The following NEGR1 variants were observed in gnomAD, a reference collection of about 807,000 sequenced individuals.
The protein encoded by NEGR1 is IgLON family member 4.
Under a neutral mutation model 40.9 loss-of-function variants are expected in NEGR1, and 10 were observed. That is an observed-to-expected ratio of 0.24 (90% CI 0.15 to 0.42). NEGR1 has a LOEUF of 0.42. NEGR1 is among the 10% of genes least tolerant of loss of function. The pLI is 1.00. For synonymous variants in NEGR1, 185 were observed against 166.8 expected (o/e 1.11, Z -0.84); for missense variants, 352 against 438.9 (o/e 0.80, Z 1.77).
At chr1:71,968,142 A>G (rs568261258) in intron 1 of NEGR1, among the ~76,000 whole-genome samples, 1 of 152,236 alleles carries the variant, frequency 6.6e-6, no homozygotes, top group East Asian at 1.9e-4. Context: ...GACTTTATCA[A>G]TTTTTCCCTT....
chr1:71,883,976 CAGCCTTATT>C (rs1660654262), intron 2 of NEGR1, among the ~76,000 whole-genome samples: 1 of 147,740 alleles, frequency 6.8e-6, no homozygotes, highest in Non-Finnish European at 1.5e-5. Flanking sequence ...GAGTTAACTA[CAGCCTTATT>C]AACATTTTTT....
intron 3 of NEGR1, among the ~76,000 whole-genome samples, chr1:71,755,983 T>G (rs1404842503): frequency 6.6e-6 from 1 of 152,188 alleles, no homozygotes; most frequent in Non-Finnish European, 1.5e-5. Flanking sequence ...GCAAAACATG[T>G]TAAGTTTAGA....
intron 3 of NEGR1, among the ~76,000 whole-genome samples, chr1:71,751,905 G>A (rs749887876): frequency 1.8e-4 from 27 of 152,234 alleles, no homozygotes; most frequent in African/African-American, 4.3e-4. Flanking sequence ...AAAATTTATC[G>A]TCATATGAGA....
At chr1:71,555,670 C>G (rs1208825676) in intron 6 of NEGR1, among the ~76,000 whole-genome samples, 1 of 151,628 alleles carries the variant, frequency 6.6e-6, no homozygotes, top group African/African-American at 2.4e-5. Flanking sequence ...CACTCGTGAA[C>G]ATAAGGTCAG....
At chr1:72,238,305 A>G (rs1654627100) in intron 1 of NEGR1, among the ~76,000 whole-genome samples, 1 of 151,948 alleles carries the variant, frequency 6.6e-6, no homozygotes, top group African/African-American at 2.4e-5. Flanking sequence ...ATAAATAAAT[A>G]AAATATGATT....
chr1:71,786,933 C>T (rs2101730528), intron 2 of NEGR1, among the ~76,000 whole-genome samples: 1 of 152,306 alleles, frequency 6.6e-6, no homozygotes, highest in South Asian at 2.1e-4. Flanking sequence ...AGTTCTAGCC[C>T]ACTGTGGTGT....
chr1:72,192,056 GT>G (rs913198050), intron 1 of NEGR1, among the ~76,000 whole-genome samples: 26 of 151,984 alleles, frequency 1.7e-4, no homozygotes, highest in African/African-American at 6.3e-4. Flanking sequence ...TTATAAAATA[GT>G]TTTGGAACAT....
At chr1:71,602,496 C>G (rs1216881273) in intron 5 of NEGR1, among the ~76,000 whole-genome samples, 1 of 151,772 alleles carries the variant, frequency 6.6e-6, no homozygotes, top group African/African-American at 2.4e-5. Context: ...CGTGATCCGC[C>G]CGCCTCGGCC....
intron 1 of NEGR1, among the ~76,000 whole-genome samples, chr1:71,961,122 C>A (rs1646162293): frequency 6.6e-6 from 1 of 152,116 alleles, no homozygotes; most frequent in South Asian, 2.1e-4. Flanking sequence ...TTTAGGCTCA[C>A]TAAGAAGCAT....
chr1:71,541,502 C>T (rs1203220739), intron 6 of NEGR1, among the ~76,000 whole-genome samples: 3 of 151,672 alleles, frequency 2.0e-5, no homozygotes, highest in Admixed American at 1.3e-4. Flanking sequence ...AATAGTAAGT[C>T]GACCTGCTGA....
chr1:72,142,445 T>C (rs1340975663), intron 1 of NEGR1, among the ~76,000 whole-genome samples: 2 of 151,766 alleles, frequency 1.3e-5, no homozygotes, highest in Non-Finnish European at 2.9e-5. Flanking sequence ...AAAAGACAGA[T>C]TTTCTCATGA....
intron 1 of NEGR1, among the ~76,000 whole-genome samples, chr1:72,237,305 T>C (rs1284383440): frequency 6.6e-6 from 1 of 152,024 alleles, no homozygotes; most frequent in East Asian, 1.9e-4. Flanking sequence ...GAGAATCATA[T>C]ATTTTAAATC....
At chr1:71,986,354 T>C (rs1209051344) in intron 1 of NEGR1, among the ~76,000 whole-genome samples, 1 of 152,148 alleles carries the variant, frequency 6.6e-6, no homozygotes, top group Non-Finnish European at 1.5e-5. Context: ...GCTGAGTGAA[T>C]GTTTAAGTTT....
chr1:71,958,403 C>T (rs111243321), intron 1 of NEGR1, among the ~76,000 whole-genome samples: 172 of 152,112 alleles, frequency 1.1e-3, no homozygotes, highest in African/African-American at 3.2e-3. Flanking sequence ...AAACTTTTGT[C>T]TCTACATAAA....
intron 6 of NEGR1, among the ~76,000 whole-genome samples, chr1:71,563,296 G>A (rs1648519335): frequency 6.6e-6 from 1 of 151,968 alleles, no homozygotes; most frequent in Non-Finnish European, 1.5e-5. Flanking sequence ...TTGCTTGTAA[G>A]CTGGCAGATA....
chr1:72,068,230 C>A (rs542625393), intron 1 of NEGR1, among the ~76,000 whole-genome samples: 33 of 152,112 alleles, frequency 2.2e-4, no homozygotes, highest in Non-Finnish European at 4.7e-4. Flanking sequence ...AACCTAAGTG[C>A]TTGAATCAGG....
intron 1 of NEGR1, among the ~76,000 whole-genome samples, chr1:71,953,514 T>C (rs1418167179): frequency 6.6e-6 from 1 of 151,986 alleles, no homozygotes; most frequent in African/African-American, 2.4e-5. Flanking sequence ...TTTAGACTAT[T>C]ACAAAAACTT....
rs971909990 is a variant in NEGR1, at chr1:71,910,946, C to G, written c.409+24133G>C. Among the ~76,000 whole-genome samples the G allele has an allele frequency of 6.7e-4, 102 of 152,116 alleles. 4 individuals carry two copies. On this transcript the variant is annotated intron_variant, in intron 2 of 6. Transcript: ENST00000357731. ...CTCCTGAGCTCAAGTGATCCATCTACCGCAGCTTTTCAAAGTTCTAGGATT... is the reference window on the plus strand; with the variant it reads ...CTCCTGAGCTCAAGTGATCCATCTAGCGCAGCTTTTCAAAGTTCTAGGATT...
At chr1:72,275,837 C>T (rs1369615606) in intron 1 of NEGR1, among the ~76,000 whole-genome samples, 1 of 152,086 alleles carries the variant, frequency 6.6e-6, no homozygotes, top group African/African-American at 2.4e-5. Flanking sequence ...TGGCTTTTAT[C>T]TATAACTCTG....
Sources: gnomAD v4.1 joint callset for allele counts (sites outside exome capture counted in the v4.1 genomes callset) on GRCh38, gnomAD v4.1.1 for gene constraint, MANE v1.5 for transcripts, NCBI Gene and HGNC (gene_info 2026-07-23, HGNC 2026-07-21) for gene names.